Variants in PRDM9 observed in about 807,000 individuals in gnomAD.
PRDM9 encodes the protein histone-lysine N-methyltransferase PRDM9.
Under a neutral mutation model 55.6 loss-of-function variants are expected in PRDM9, and 47 were observed. The ratio of observed to expected loss-of-function variants is 0.85; its 90% CI spans 0.67 to 1.08. The LOEUF is 1.08. Among genes scored for constraint, PRDM9 ranks in the 50% least tolerant of loss-of-function variants. The probability of loss-of-function intolerance (pLI) is 0.00; values close to 1 mark genes in which losing one functional copy is unlikely to be tolerated. For missense variants in PRDM9, 867 were observed against 1,040.3 expected, an observed-to-expected ratio of 0.83 and a Z score of 2.29; for synonymous variants, 312 against 375.7, an observed-to-expected ratio of 0.83 and a Z score of 1.96.
At chr5:23,514,255 A>T (rs1375240831) in intron 4 of PRDM9, among the ~76,000 whole-genome samples, 1 of 152,146 alleles carries the variant, frequency 6.6e-6, no homozygotes, top group East Asian at 1.9e-4. Context: ...TAAACAACAG[A>T]AATTTATTTT....
chr5:23,523,014 C>T, intron 8 of PRDM9, 129 bp downstream of exon 8: 1 of 1,514,972 alleles, frequency 6.6e-7, no homozygotes, highest in African/African-American at 1.4e-5. Flanking sequence ...ACTCAAGGTT[C>T]TTTGCATGAA....
chr5:23,527,419 C>A lies in PRDM9; in HGVS notation c.2331C>A (p.Val777=), dbSNP rs188517683. ...QRTHTGEKPY[V]CRECGRGFRD... ...CACACACAGGGGAGAAGCCCTATGT[C>A]TGCAGGGAGTGTGGGCGGGGCTTTA... Residue 777 remains valine (V), a synonymous_variant, in exon 11 of 11, where the codon GTC becomes GTA. Coordinates refer to ENST00000296682, the MANE Select transcript of PRDM9 (RefSeq NM_020227.4). 2.0e-6 allele frequency: 3 copies of A among 1,534,374 alleles called. No homozygotes were observed. Among genetic ancestry groups the A allele is most frequent in the Admixed American group, 1.8e-5 (1 of 56,706 alleles).
Position 23,526,567 on chromosome 5 carries a change from A to T in PRDM9, c.1479A>T (p.Ile493=), listed in dbSNP as rs749301688. 1 of 1,614,246 alleles carries T rather than the reference A, an allele frequency of 6.2e-7. No individual in the cohort carries two copies. Among genetic ancestry groups the T allele is most frequent in the South Asian group, 1.1e-5 (1 of 91,086 alleles). ...GGAGCTGTAGAGTGGGAAAAAGAAT[A>T]ATGGAAGAAGAGTCCAGAACAGGCC... is the stretch of plus-strand genomic sequence containing the variant. ...QMGSCRVGKR[I]MEEESRTGQK... is the part of the protein sequence containing the mutation. The change falls in exon 11 of 11, where the codon ATA becomes ATT. Residue 493 remains isoleucine (I), a synonymous_variant. Transcript: ENST00000296682.
At position 23,526,824 on chromosome 5, in the gene PRDM9, C is replaced by T. The variant is rs796902663; in HGVS notation, c.1736C>T (p.Pro579Leu). 1.3e-6 allele frequency: 2 copies of T among 1,585,488 alleles called. No homozygotes were observed. The highest frequency in any genetic ancestry group is 2.4e-5 in the East Asian group (1 of 42,204). Reference protein sequence around the residue: ...IHQRIHTGEKPYVCRECGRGF... With the variant: ...IHQRIHTGEKLYVCRECGRGF... Reference sequence around the variant, plus strand: ...CAGAGGATACACACAGGGGAGAAGCCCTATGTCTGCAGGGAGTGTGGGCGG... The same window carrying T: ...CAGAGGATACACACAGGGGAGAAGCTCTATGTCTGCAGGGAGTGTGGGCGG... Residue 579 changes from proline to leucine, a missense_variant, in exon 11 of 11, where the codon CCC (proline) becomes CTC (leucine). Physicochemically the swap from Pro to Leu is moderately conservative, Grantham distance 98 (BLOSUM62 -3). This residue lies in a region of PRDM9 where 662 missense variants were observed against 711.9 expected (regional missense o/e 0.93). Coordinates refer to ENST00000296682, the MANE Select transcript of PRDM9 (RefSeq NM_020227.4).
intron 10 of PRDM9, among the ~76,000 whole-genome samples, chr5:23,525,213 C>G (rs1476312353): frequency 1.3e-5 from 2 of 152,198 alleles, no homozygotes; most frequent in African/African-American, 4.8e-5. Flanking sequence ...GTTCCAGGCA[C>G]AGGGCGCAGC....
rs1739057125 is a variant in PRDM9 at position 23,509,946 on chromosome 5, ATG to A, written c.224_225del (p.Cys75SerfsTer12). 1 of 1,613,510 alleles carries A rather than the reference ATG, an allele frequency of 6.2e-7. No individual in the cohort carries two copies. Among genetic ancestry groups the A allele is most frequent in the African/African-American group, 1.3e-5 (1 of 74,756 alleles). ...TCTCAGAGCCACTCGACCAGCTTTC[ATG>A]TGTCACCGAAGGCAGGCCATCAAAC... ...IGLRATRPAFMCHRRQAIKLQ... is the reference protein window; with the variant it reads ...IGLRATRPAFXCHRRQAIKLQ... On this transcript the variant is annotated frameshift_variant, in exon 4 of 11. Coordinates refer to ENST00000296682, the MANE Select transcript of PRDM9 (RefSeq NM_020227.4). LOFTEE classifies it high-confidence loss of function.
chr5:23,511,789 G>A (rs1739104557), intron 4 of PRDM9, among the ~76,000 whole-genome samples: 1 of 152,184 alleles, frequency 6.6e-6, no homozygotes, highest in African/African-American at 2.4e-5. Flanking sequence ...GGGCTGGCAG[G>A]TGGCTTCACT....
At chr5:23,517,295 C>T (rs1282405050) in intron 4 of PRDM9, among the ~76,000 whole-genome samples, 1 of 151,610 alleles carries the variant, frequency 6.6e-6, no homozygotes, top group Non-Finnish European at 1.5e-5. Flanking sequence ...TACTAGATAC[C>T]TTATTAGGTA....
At chr5:23,519,763 G>A (rs577589609) in intron 5 of PRDM9, among the ~76,000 whole-genome samples, 12 of 151,984 alleles carry the variant, frequency 7.9e-5, no homozygotes, top group South Asian at 2.1e-4. Context: ...AAGAATTAGC[G>A]CCAGGGGCAG....
chr5:23,523,428 T>A (rs1323276304), intron 9 of PRDM9, 70 bp downstream of exon 9: 9 of 1,470,066 alleles, frequency 6.1e-6, no homozygotes, highest in South Asian at 1.1e-5. Flanking sequence ...TCCTTCCTTA[T>A]CATTATGCCT....
At chr5:23,514,872 G>A (rs1170280654) in intron 4 of PRDM9, among the ~76,000 whole-genome samples, 1 of 152,026 alleles carries the variant, frequency 6.6e-6, no homozygotes, top group Non-Finnish European at 1.5e-5. Flanking sequence ...TGAATTTGGG[G>A]GAAACAAAAT....
Position 23,526,587 on chromosome 5 carries a change from C to T in PRDM9, c.1499C>T (p.Thr500Ile), listed in dbSNP as rs763795833. 12 of 1,614,190 alleles carry T rather than the reference C, an allele frequency of 7.4e-6. No individual in the cohort carries two copies. The Middle Eastern group carries it at 1.3e-3, about 178-fold the overall frequency. Residue 500 changes from threonine to isoleucine, a missense_variant, in exon 11 of 11, where the codon ACA (threonine) becomes ATA (isoleucine). Around this residue, in one of 5 missense-constraint regions of PRDM9, gnomAD observed 662 missense variants for 711.9 expected, o/e 0.93. Transcript: ENST00000296682. ...AGAATAATGGAAGAAGAGTCCAGAA[C>T]AGGCCAGAAAGTGAATCCAGGGAAC... ...GKRIMEEESRTGQKVNPGNTG... is the reference protein window; with the variant it reads ...GKRIMEEESRIGQKVNPGNTG...
At position 23,508,990 on chromosome 5, in the gene PRDM9, C is replaced by T. The variant is rs774266781; in HGVS notation, c.-44C>T. On this transcript the variant is annotated 5_prime_UTR_variant, in exon 2 of 11. Transcript: ENST00000296682. ...GAGCTGGGAGACTCAGGGCCCTTCTCACACTCAGAATTGGAGCAGGGCCTT... is the reference window on the plus strand; with the variant it reads ...GAGCTGGGAGACTCAGGGCCCTTCTTACACTCAGAATTGGAGCAGGGCCTT... 9 of 1,609,550 alleles carry T rather than the reference C, an allele frequency of 5.6e-6. No individual in the cohort carries two copies. Among genetic ancestry groups the T allele is most frequent in the Non-Finnish European group, 7.6e-6 (9 of 1,176,628 alleles).
rs201114274 is a variant in PRDM9, at chr5:23,522,747, T to C, written c.744T>C (p.Ile248=). Residue 248 remains isoleucine, a synonymous_variant, in exon 8 of 11, where the codon ATT becomes ATC. Coordinates refer to ENST00000296682, the MANE Select transcript of PRDM9 (RefSeq NM_020227.4). ...TCAGTCTGCCCCCAGGGCTGAGAAT[T>C]GGGCCATCAGGCATCCCTCAGGCTG... The part of the protein sequence containing the change: ...SALSLPPGLR[I]GPSGIPQAGL... 9 of 1,614,200 alleles carry C rather than the reference T, an allele frequency of 5.6e-6. No individual in the cohort carries two copies. The highest frequency in any genetic ancestry group is 7.6e-6 in the Non-Finnish European group (9 of 1,180,040).
intron 5 of PRDM9, among the ~76,000 whole-genome samples, chr5:23,518,542 C>T (rs1739263876): frequency 6.6e-6 from 1 of 152,152 alleles, no homozygotes; most frequent in Admixed American, 6.5e-5. Context: ...TGTTTGGTCC[C>T]AGAAGGAGAT....
chr5:23,513,682 C>A (rs970719933), intron 4 of PRDM9, among the ~76,000 whole-genome samples: 1 of 152,010 alleles, frequency 6.6e-6, no homozygotes, highest in Non-Finnish European at 1.5e-5. Context: ...GAGTTTGAGA[C>A]CAGCCTGGCC....
intron 5 of PRDM9, 28 bp downstream of exon 5, chr5:23,517,958 A>G: frequency 6.4e-7 from 1 of 1,550,726 alleles, no homozygotes. Flanking sequence ...CCTATTGACA[A>G]GAAACCTTCC....
At chr5:23,521,996 C>T (rs1400221519) in intron 6 of PRDM9, among the ~76,000 whole-genome samples, 1 of 152,104 alleles carries the variant, frequency 6.6e-6, no homozygotes, top group Non-Finnish European at 1.5e-5. Flanking sequence ...TTGTTCAATG[C>T]CTAAGATGTA....
chr5:23,522,814 C>T lies in PRDM9; in HGVS notation c.811C>T (p.Leu271=). 6.2e-7 allele frequency: 1 copy of T among 1,614,210 alleles called. No individual in the cohort carries two copies. Among genetic ancestry groups the T allele is most frequent in the East Asian group, 2.2e-5 (1 of 44,862 alleles). The change falls in exon 8 of 11, where the codon CTG becomes TTG. Residue 271 remains leucine, a synonymous_variant. Transcript: ENST00000296682. Reference sequence around the variant, plus strand: ...TGAGGCATCTGATCTGCCGCTGGGTCTGCACTTTGGCCCTTATGAGGGCCG... The same window carrying T: ...TGAGGCATCTGATCTGCCGCTGGGTTTGCACTTTGGCCCTTATGAGGGCCG... ...WNEASDLPLG[L]HFGPYEGRIT...
Sources: allele counts gnomAD v4.1 joint callset (sites outside exome capture counted in the v4.1 genomes callset), GRCh38; gene constraint gnomAD v4.1.1; regional missense constraint gnomAD v4.1.1; transcripts MANE v1.5; gene names NCBI Gene and HGNC (gene_info 2026-07-23, HGNC 2026-07-21).